Variants in SYNPO2 observed in about 807,000 individuals in gnomAD.
SYNPO2 encodes synaptopodin 2, also known as synaptopodin-2.
Under a neutral mutation model 85.0 loss-of-function variants are expected in SYNPO2, and 56 were observed. The observed-to-expected ratio is 0.66, with a 90% confidence interval of 0.53 to 0.82. The LOEUF (loss-of-function observed/expected upper bound fraction) is 0.82, where lower values mean the gene tolerates loss of function less well. Among genes scored for constraint, SYNPO2 ranks in the 40% least tolerant of loss-of-function variants. The pLI is 0.00. For missense variants in SYNPO2, 1,575 were observed against 1,534.2 expected (o/e 1.03, Z -0.44); for synonymous variants, 602 against 591.1 (o/e 1.02, Z -0.27).
At chr4:118,945,213 C>T (rs1734455728) in intron 1 of SYNPO2, among the ~76,000 whole-genome samples, 1 of 152,154 alleles carries the variant, frequency 6.6e-6, no homozygotes, top group Non-Finnish European at 1.5e-5. Flanking sequence ...AACTTATTTC[C>T]TATCCACTGG....
In SYNPO2 at chr4:118,866,216, A is replaced by T. The variant is rs140862610; in HGVS notation, c.12+15276A>T. ...AATTCATTATTTGTGGTGTGAGCCCATTGTGTGCATTGTAGGATGTTTAGC... is the reference window on the plus strand; with the variant it reads ...AATTCATTATTTGTGGTGTGAGCCCTTTGTGTGCATTGTAGGATGTTTAGC... On this transcript the variant is annotated intron_variant, in intron 1 of 4. Coordinates refer to the SYNPO2 transcript ENST00000610556. Among the ~76,000 whole-genome samples, 16 of 152,234 alleles carry T rather than the reference A, an allele frequency of 1.1e-4. No homozygotes were observed. In the East Asian group the frequency reaches 2.9e-3, roughly 28 times the overall value.
At position 118,889,153 on chromosome 4, in the gene SYNPO2, A is replaced by G; in HGVS notation, c.105+12A>G. The G allele has an allele frequency of 6.2e-7, 1 of 1,612,752 alleles. No homozygotes were observed. Among genetic ancestry groups the G allele is most frequent in the Non-Finnish European group, 8.5e-7 (1 of 1,179,108 alleles). On this transcript the variant is annotated intron_variant, in intron 1 of 4. Coordinates refer to ENST00000307142, the MANE Select transcript of SYNPO2 (RefSeq NM_133477.3). Reference sequence around the variant, plus strand: ...TACAAGTTGCAAAGGTAGGACCTGAACGAAGTGTCACGGCTCTGTGCTAGG... The same window carrying G: ...TACAAGTTGCAAAGGTAGGACCTGAGCGAAGTGTCACGGCTCTGTGCTAGG...
chr4:118,928,106 C>G (rs1733799326), intron 1 of SYNPO2, among the ~76,000 whole-genome samples: 1 of 152,158 alleles, frequency 6.6e-6, no homozygotes, highest in African/African-American at 2.4e-5. Context: ...TTCAAACAAG[C>G]CTAGATATTC....
At chr4:119,000,304 T>A (rs552281436) in intron 1 of SYNPO2, among the ~76,000 whole-genome samples, 9 of 152,366 alleles carry the variant, frequency 5.9e-5, no homozygotes, top group African/African-American at 1.4e-4. Context: ...CCCACTGAGA[T>A]AACCTGTCCT....
intron 3 of SYNPO2, among the ~76,000 whole-genome samples, chr4:119,028,878 A>G (rs1738093201): frequency 6.6e-6 from 1 of 151,928 alleles, no homozygotes; most frequent in South Asian, 2.1e-4. Context: ...TATAAATGAT[A>G]GATGCTATAT....
Position 118,889,207 on chromosome 4 carries a change from G to GAC in SYNPO2, c.105+66_105+67insAC. ...GAAGGAATGAAAGCAACCTGCTGAT[G>GAC]GTGTTTTCAGGTTCTGATGCAGAAG... On this transcript the variant is annotated intron_variant, in intron 1 of 4. Transcript: ENST00000307142. 5.7e-6 allele frequency: 8 copies of GAC among 1,415,626 alleles called. No homozygotes were observed. In the South Asian group the frequency reaches 9.9e-5, roughly 17 times the overall value. The allele number at this position is 1,415,626 out of a possible 1,614,324, so 87.7% of individuals were successfully genotyped here. A position where few individuals can be genotyped will look rare whatever the true frequency, so the allele number is the denominator to read the frequency against.
chr4:118,904,756 A>T (rs542352357), intron 1 of SYNPO2, among the ~76,000 whole-genome samples: 1 of 152,332 alleles, frequency 6.6e-6, no homozygotes, highest in South Asian at 2.1e-4. Flanking sequence ...AACAGTGGTG[A>T]GTTATTTTCA....
chr4:118,990,472 T>C (rs1456457562), intron 1 of SYNPO2, among the ~76,000 whole-genome samples: 1 of 152,190 alleles, frequency 6.6e-6, no homozygotes, highest in Non-Finnish European at 1.5e-5. Context: ...TGCCAGATGC[T>C]GGGGATAAGA....
intron 1 of SYNPO2, among the ~76,000 whole-genome samples, chr4:119,018,243 T>C (rs916900773): frequency 1.3e-5 from 2 of 152,184 alleles, no homozygotes; most frequent in African/African-American, 4.8e-5. Flanking sequence ...GATAATGCCC[T>C]CCACCTCCAT....
intron 1 of SYNPO2, among the ~76,000 whole-genome samples, chr4:118,925,809 T>C (rs1322716025): frequency 1.3e-5 from 2 of 151,380 alleles, no homozygotes; most frequent in African/African-American, 4.9e-5. Context: ...TGTGTAATTA[T>C]AATTCTGCTC....
chr4:119,037,545 A>G (rs1286807982), intron 4 of SYNPO2: 2 of 992,480 alleles, frequency 2.0e-6, no homozygotes, highest in Non-Finnish European at 2.4e-6. Context: ...GCCATGCAAC[A>G]ACCCAAAATC....
At chr4:118,925,840 A>ACAGATAGCC (rs3051228) in intron 1 of SYNPO2, among the ~76,000 whole-genome samples, 30,673 of 151,958 alleles carry the variant, frequency 0.2, 3,231 homozygotes, top group African/African-American at 0.27. Context: ...GATAACAATT[A>ACAGATAGCC]CAGTATAGAG....
chr4:118,861,067 T>C (rs1251875213), intron 1 of SYNPO2, among the ~76,000 whole-genome samples: 4 of 152,248 alleles, frequency 2.6e-5, no homozygotes, highest in African/African-American at 9.6e-5. Flanking sequence ...TTGTTTTGGT[T>C]GCCTGTGCCT....
At chr4:118,922,746 T>C (rs549282232) in intron 1 of SYNPO2, among the ~76,000 whole-genome samples, 2 of 152,186 alleles carry the variant, frequency 1.3e-5, no homozygotes, top group South Asian at 4.1e-4. Context: ...TATAAGGCTT[T>C]TATTATAATG....
chr4:118,967,104 G>T (rs541176177), intron 1 of SYNPO2, among the ~76,000 whole-genome samples: 3 of 152,134 alleles, frequency 2.0e-5, no homozygotes, highest in Admixed American at 1.3e-4. Context: ...TAACACAGGA[G>T]TGTACTATTA....
At chr4:118,880,746 C>T (rs201114911) in intron 1 of SYNPO2, among the ~76,000 whole-genome samples, 322 of 130,922 alleles carry the variant, frequency 2.5e-3, no homozygotes, top group Admixed American at 5.1e-3. Flanking sequence ...GACTCTGTCC[C>T]AAAAAAAAAA....
chr4:118,880,093 C>T (rs1312661968), intron 1 of SYNPO2, among the ~76,000 whole-genome samples: 1 of 152,178 alleles, frequency 6.6e-6, no homozygotes, highest in Non-Finnish European at 1.5e-5. Context: ...ACTGTTACCA[C>T]CTTCTTTTCC....
intron 1 of SYNPO2, among the ~76,000 whole-genome samples, chr4:118,972,455 A>G (rs150216747): frequency 6.6e-5 from 10 of 152,302 alleles, no homozygotes; most frequent in African/African-American, 2.2e-4. Flanking sequence ...AAAAAAAAGA[A>G]AAGGGAATTC....
chr4:118,968,451 A>G (rs1417366270), intron 1 of SYNPO2, among the ~76,000 whole-genome samples: 1 of 152,202 alleles, frequency 6.6e-6, no homozygotes, highest in African/African-American at 2.4e-5. Flanking sequence ...CCTGAGCTCC[A>G]GTCCACTCTC....
Sources: allele counts gnomAD v4.1 joint callset (sites outside exome capture counted in the v4.1 genomes callset), GRCh38; gene constraint gnomAD v4.1.1; transcripts MANE v1.5; gene names NCBI Gene and HGNC (gene_info 2026-07-23, HGNC 2026-07-21).